Variants in AGBL4 observed in about 807,000 individuals in gnomAD.
AGBL4 encodes the protein AGBL carboxypeptidase 4, also known as cytosolic carboxypeptidase 6.
AGBL4 carries 58 observed loss-of-function variants against 66.4 expected under a neutral mutation model. The observed-to-expected ratio is 0.87, with a 90% CI of 0.71 to 1.09. The LOEUF is 1.09. Among genes scored for constraint, AGBL4 ranks in the 50% least tolerant of loss-of-function variants. AGBL4 has a pLI of 0.00. For synonymous variants in AGBL4, 234 were observed against 222.9 expected (o/e 1.05, Z -0.44); for missense variants, 579 against 631.0 (o/e 0.92, Z 0.88).
intron 5 of AGBL4, among the ~76,000 whole-genome samples, chr1:48,971,534 A>G (rs77260272): frequency 0.01 from 1,563 of 152,284 alleles, 23 homozygotes; most frequent in African/African-American, 0.036. Context: ...TGACTTAAAT[A>G]AGTCAGATAT....
chr1:48,749,955 A>G (rs936404433), intron 6 of AGBL4, among the ~76,000 whole-genome samples: 21 of 152,222 alleles, frequency 1.4e-4, no homozygotes, highest in African/African-American at 5.1e-4. Context: ...GGTGGGCAGC[A>G]TAAGGGCTGC....
chr1:49,727,562 A>G (rs868277084), intron 2 of AGBL4, among the ~76,000 whole-genome samples: 104 of 151,918 alleles, frequency 6.8e-4, no homozygotes, highest in African/African-American at 2.3e-3. Flanking sequence ...TGAAATGCAT[A>G]TGATTGACAT....
At chr1:48,655,451 G>A (rs1463768650) in intron 7 of AGBL4, among the ~76,000 whole-genome samples, 4 of 152,218 alleles carry the variant, frequency 2.6e-5, no homozygotes, top group Non-Finnish European at 5.9e-5. Flanking sequence ...AGAGGGACCA[G>A]GGGAGCAGAA....
At chr1:49,957,219 A>C (rs1656684073) in intron 1 of AGBL4, among the ~76,000 whole-genome samples, 1 of 151,958 alleles carries the variant, frequency 6.6e-6, no homozygotes, top group South Asian at 2.1e-4. Flanking sequence ...AAATACAAAG[A>C]ATATGTCAAA....
chr1:49,366,878 A>G (rs939938219), intron 3 of AGBL4, among the ~76,000 whole-genome samples: 5 of 152,206 alleles, frequency 3.3e-5, no homozygotes, highest in Admixed American at 6.5e-5. Context: ...TTGCTGGAAC[A>G]GGAAGACTCA....
At chr1:48,999,283 T>C (rs1025592345) in intron 5 of AGBL4, among the ~76,000 whole-genome samples, 1 of 152,196 alleles carries the variant, frequency 6.6e-6, no homozygotes, top group Admixed American at 6.5e-5. Context: ...ATGAAGAAGA[T>C]GGCTGTGCTT....
intron 11 of AGBL4, among the ~76,000 whole-genome samples, chr1:48,576,567 A>G (rs1242227379): frequency 6.6e-6 from 1 of 152,184 alleles, no homozygotes; most frequent in Non-Finnish European, 1.5e-5. Flanking sequence ...TTTGGCACAG[A>G]GTCCTCTGTT....
At chr1:49,729,392 T>A (rs183474120) in intron 2 of AGBL4, among the ~76,000 whole-genome samples, 107 of 152,214 alleles carry the variant, frequency 7.0e-4, no homozygotes, top group African/African-American at 2.5e-3. Context: ...CCAAGATAAT[T>A]AAGAAACCGA....
intron 1 of AGBL4, among the ~76,000 whole-genome samples, chr1:49,865,618 T>C (rs559734034): frequency 7.9e-4 from 120 of 152,072 alleles, no homozygotes; most frequent in African/African-American, 2.5e-3. Flanking sequence ...TCCTCAAAGA[T>C]AGAAACCAGA....
intron 1 of AGBL4, among the ~76,000 whole-genome samples, chr1:49,896,263 A>G (rs1274790357): frequency 1.3e-5 from 2 of 152,148 alleles, no homozygotes; most frequent in African/African-American, 4.8e-5. Flanking sequence ...AAAGAGATAT[A>G]GACCCCAATA....
At chr1:49,425,194 C>A (rs1364916168) in intron 3 of AGBL4, among the ~76,000 whole-genome samples, 1 of 152,110 alleles carries the variant, frequency 6.6e-6, no homozygotes, top group Non-Finnish European at 1.5e-5. Flanking sequence ...TCCTAACTTA[C>A]ATAATAATTC....
chr1:49,767,982 A>AT (rs1643938735), intron 2 of AGBL4, among the ~76,000 whole-genome samples: 1 of 149,470 alleles, frequency 6.7e-6, no homozygotes, highest in South Asian at 2.1e-4. Context: ...TTAAAGTATA[A>AT]TTTAAAAAAA....
At chr1:49,972,573 G>C (rs1397534798) in intron 1 of AGBL4, among the ~76,000 whole-genome samples, 1 of 152,118 alleles carries the variant, frequency 6.6e-6, no homozygotes, top group African/African-American at 2.4e-5. Context: ...CTTAGGCCTA[G>C]GAGCTCGAGA....
At chr1:49,566,903 T>C (rs922302511) in intron 3 of AGBL4, among the ~76,000 whole-genome samples, 7 of 152,214 alleles carry the variant, frequency 4.6e-5, no homozygotes, top group Admixed American at 3.9e-4. Flanking sequence ...AGGTGGAGCC[T>C]ACAGAGGCAG....
intron 1 of AGBL4, among the ~76,000 whole-genome samples, chr1:50,022,429 C>T (rs949179520): frequency 1.3e-5 from 2 of 152,052 alleles, no homozygotes; most frequent in Non-Finnish European, 2.9e-5. Context: ...AAGGAATAAG[C>T]CTGTTCAAGT....
intron 1 of AGBL4, among the ~76,000 whole-genome samples, chr1:49,947,075 T>C (rs1655278604): frequency 6.7e-6 from 1 of 149,914 alleles, no homozygotes; most frequent in Admixed American, 6.7e-5. Context: ...AAAAAAAAGT[T>C]CAAGACCAGA....
chr1:49,014,879 A>G (rs182219947), intron 5 of AGBL4, among the ~76,000 whole-genome samples: 10 of 152,372 alleles, frequency 6.6e-5, no homozygotes, highest in African/African-American at 2.2e-4. Flanking sequence ...GGTATAAGTA[A>G]GGACTATCCT....
intron 3 of AGBL4, among the ~76,000 whole-genome samples, chr1:49,569,938 T>C (rs1053159128): frequency 6.6e-6 from 1 of 152,222 alleles, no homozygotes; most frequent in African/African-American, 2.4e-5. Flanking sequence ...GGCTGAATAG[T>C]ATTCCACTGT....
chr1:48,914,070 C>T (rs1653380397), intron 5 of AGBL4, among the ~76,000 whole-genome samples: 1 of 152,174 alleles, frequency 6.6e-6, no homozygotes, highest in African/African-American at 2.4e-5. Context: ...ATTTGAGTGT[C>T]TGCTGCAGAG....
Sources: gnomAD v4.1 joint callset for allele counts (sites outside exome capture counted in the v4.1 genomes callset) on GRCh38, gnomAD v4.1.1 for gene constraint, MANE v1.5 for transcripts, NCBI Gene and HGNC (gene_info 2026-07-23, HGNC 2026-07-21) for gene names.